Variants in ENTPD1 observed in about 807,000 individuals in gnomAD.
ENTPD1 encodes ATP diphosphohydrolase.
In ENTPD1, 33 loss-of-function variants were observed where a neutral mutation model predicts 57.0. That is an observed-to-expected ratio of 0.58 (90% CI 0.44 to 0.77). The LOEUF (loss-of-function observed/expected upper bound fraction) is 0.77, where lower values mean the gene tolerates loss of function less well. ENTPD1 is among the 30% of genes least tolerant of loss of function. The probability of loss-of-function intolerance (pLI) is 0.00; values close to 1 mark genes in which losing one functional copy is unlikely to be tolerated. For missense variants in ENTPD1, 501 were observed against 603.4 expected (o/e 0.83, Z 1.78); for synonymous variants, 202 against 218.8 (o/e 0.92, Z 0.68).
Position 95,873,674 on chromosome 10 carries a change from T to C in ENTPD1, c.*7291T>C. 5 of 985,382 alleles carry C rather than the reference T, an allele frequency of 5.1e-6. No homozygotes were observed. In the South Asian group the frequency reaches 2.3e-4, roughly 46 times the overall value. The allele number at this position is 985,382 out of a possible 1,614,324, so 61.0% of individuals were successfully genotyped here. On this transcript the variant is annotated 3_prime_UTR_variant, in exon 10 of 10. Transcript: ENST00000371205. ...CAGCTAATCATGTTCAATAGTTACATTTAGATTGGTTTTTAAAAACTATGA... is the reference window on the plus strand; with the variant it reads ...CAGCTAATCATGTTCAATAGTTACACTTAGATTGGTTTTTAAAAACTATGA...
chr10:95,747,894 T>G lies in ENTPD1; in HGVS notation c.37+35901T>G, dbSNP rs572907745. Among the ~76,000 whole-genome samples the G allele has an allele frequency of 2.6e-4, 39 of 151,936 alleles. 1 individual carries two copies. The South Asian group carries it at 7.9e-3, about 31-fold the overall frequency. On this transcript the variant is annotated intron_variant, in intron 1 of 9. Transcript: ENST00000453258. ...CAAATGATTTTTTTTTTTTTTGAAG[T>G]GGAGTCTCGCTCTGTCGCCCAGGCT...
chr10:95,761,241 T>A (rs1015331371), intron 1 of ENTPD1, among the ~76,000 whole-genome samples: 2 of 151,960 alleles, frequency 1.3e-5, no homozygotes, highest in Non-Finnish European at 2.9e-5. Context: ...AAGAGTGGAG[T>A]CACTTGTTTG....
intron 1 of ENTPD1, among the ~76,000 whole-genome samples, chr10:95,779,232 A>G (rs1246005288): frequency 1.3e-5 from 2 of 152,218 alleles, no homozygotes; most frequent in East Asian, 3.8e-4. Flanking sequence ...CCATTTCTAC[A>G]TCTCCTTCCA....
chr10:95,711,749 C>G, upstream of ENTPD1: 1 of 615,816 alleles, frequency 1.6e-6, no homozygotes, highest in East Asian at 3.1e-5. Context: ...TGCCCAGCCT[C>G]CCCTTCAGGT....
upstream of ENTPD1, chr10:95,755,654 T>C: frequency 4.6e-6 from 7 of 1,533,724 alleles, no homozygotes; most frequent in Non-Finnish European, 6.1e-6. Flanking sequence ...TTGGGTCACC[T>C]GTTGCTCTTT....
intron 3 of ENTPD1, among the ~76,000 whole-genome samples, chr10:95,840,521 G>T (rs1013027319): frequency 2.0e-5 from 3 of 152,130 alleles, no homozygotes; most frequent in African/African-American, 4.8e-5. Flanking sequence ...TCTTAGGGCT[G>T]GGAAAAGGAA....
chr10:95,864,820 T>G lies in ENTPD1; in HGVS notation c.1285T>G (p.Phe429Val). The G allele has an allele frequency of 6.2e-7, 1 of 1,614,038 alleles. No individual in the cohort carries two copies. The highest frequency in any genetic ancestry group is 8.5e-7 in the Non-Finnish European group (1 of 1,180,044). Reference sequence around the variant, plus strand: ...CTCCCTCCTTCTGCAAGGCTATCATTTCACAGCTGATTCCTGGGAGCACAT... The same window carrying G: ...CTCCCTCCTTCTGCAAGGCTATCATGTCACAGCTGATTCCTGGGAGCACAT... ...ILSLLLQGYH[F>V]TADSWEHIHF... Residue 429 changes from phenylalanine to valine, a missense_variant, in exon 9 of 10, where the codon TTC becomes GTC. Transcript: ENST00000371205.
At chr10:95,700,279 A>G in the ENTPD1 span, among the ~76,000 whole-genome samples, 3 of 149,854 alleles carry the variant, frequency 2.0e-5, no homozygotes, top group Non-Finnish European at 4.5e-5. Context: ...GAACAAAAAG[A>G]TAAATAAATA....
chr10:95,815,318 C>A (rs543081369), intron 1 of ENTPD1, among the ~76,000 whole-genome samples: 7 of 152,314 alleles, frequency 4.6e-5, no homozygotes, highest in African/African-American at 1.7e-4. Flanking sequence ...CTGCCACGTG[C>A]AAGGTGCATG....
At chr10:95,741,347 A>T (rs2098000093) in intron 1 of ENTPD1, among the ~76,000 whole-genome samples, 1 of 152,240 alleles carries the variant, frequency 6.6e-6, no homozygotes, top group Non-Finnish European at 1.5e-5. Context: ...TTATCAATTA[A>T]GTTCATCATC....
intron 1 of ENTPD1, among the ~76,000 whole-genome samples, chr10:95,784,202 C>G (rs1264568238): frequency 1.3e-5 from 2 of 151,102 alleles, no homozygotes; most frequent in Non-Finnish European, 2.9e-5. Context: ...CCCAGGGACA[C>G]TGAAGTCAGG....
rs922123997 is a variant in ENTPD1 at position 95,876,611 on chromosome 10, A to G, written c.*10228A>G. The G allele has an allele frequency of 8.1e-6, 10 of 1,229,926 alleles. No individual in the cohort carries two copies. Among genetic ancestry groups the G allele is most frequent in the Non-Finnish European group, 1.0e-5 (10 of 987,212 alleles). 76.2% of individuals were successfully genotyped at this position (1,229,926 alleles called of 1,614,324 possible). ...AGGATGAATCCACTCTGTCTCCTGC[A>G]GTGAAGTCTGTTTGAAGGATGTATT... On this transcript the variant is annotated 3_prime_UTR_variant, in exon 10 of 10. Coordinates refer to ENST00000371205, the MANE Select transcript of ENTPD1 (RefSeq NM_001776.6).
rs149590727 is a variant in ENTPD1 at position 95,803,119 on chromosome 10, T to C, written c.17-20118T>C. Among the ~76,000 whole-genome samples, 6 of 152,358 alleles carry C rather than the reference T, an allele frequency of 3.9e-5. No individual in the cohort carries two copies. In the East Asian group the frequency reaches 9.6e-4, roughly 24 times the overall value. On this transcript the variant is annotated intron_variant, in intron 1 of 9. Coordinates refer to ENST00000371205, the MANE Select transcript of ENTPD1 (RefSeq NM_001776.6). Reference sequence around the variant, plus strand: ...AATCTCAATGGTAGCTTAATAGGAATAGCATTGAATCTATAAATTGCTTTG... The same window carrying C: ...AATCTCAATGGTAGCTTAATAGGAACAGCATTGAATCTATAAATTGCTTTG...
At position 95,875,791 on chromosome 10, in the gene ENTPD1, A is replaced by T. The variant is rs1295578097; in HGVS notation, c.*9408A>T. ...AGCAAGAGAAAAATGAAGAAGCAGC[A>T]AAAGCAGAAACCCCTGATAAAACCA... On this transcript the variant is annotated 3_prime_UTR_variant, in exon 10 of 10. Transcript: ENST00000371205. The T allele has an allele frequency of 5.5e-6, 1 of 181,618 alleles. No homozygotes were observed. The highest frequency in any genetic ancestry group is 2.4e-5 in the African/African-American group (1 of 41,988). 11.3% of individuals were successfully genotyped at this position (181,618 alleles called of 1,614,324 possible).
chr10:95,742,981 C>T (rs939954084), intron 1 of ENTPD1, among the ~76,000 whole-genome samples: 2 of 152,196 alleles, frequency 1.3e-5, no homozygotes, highest in Non-Finnish European at 2.9e-5. Flanking sequence ...ACATTTGATA[C>T]AATAAATGAA....
the ENTPD1 span, among the ~76,000 whole-genome samples, chr10:95,695,506 C>T: frequency 2.0e-5 from 3 of 152,184 alleles, no homozygotes; most frequent in African/African-American, 7.2e-5. Flanking sequence ...CTTGAATTCT[C>T]TTACAAGATC....
intron 9 of ENTPD1, 76 bp downstream of exon 9, chr10:95,864,937 A>C: frequency 6.5e-7 from 1 of 1,536,664 alleles, no homozygotes; most frequent in Non-Finnish European, 8.9e-7. Flanking sequence ...GGGCTTGAAA[A>C]AGGGGGGAGT....
intron 4 of ENTPD1, 40 bp from the exon 5 acceptor site, chr10:95,844,436 T>A: frequency 6.2e-7 from 1 of 1,613,366 alleles, no homozygotes; most frequent in Non-Finnish European, 8.5e-7. Flanking sequence ...AATATAATTA[T>A]TAAAACAAAA....
chr10:95,755,601 C>A, upstream of ENTPD1: 1 of 1,234,992 alleles, frequency 8.1e-7, no homozygotes, highest in Non-Finnish European at 1.1e-6. Flanking sequence ...TCCACCCAGC[C>A]TTCCAACCAA....
Sources: gnomAD v4.1 joint callset for allele counts (sites outside exome capture counted in the v4.1 genomes callset) on GRCh38, gnomAD v4.1.1 for gene constraint, MANE v1.5 for transcripts, NCBI Gene and HGNC (gene_info 2026-07-23, HGNC 2026-07-21) for gene names.